HK1: variants seen among roughly 807,000 people sequenced by gnomAD.
The protein encoded by HK1 is hexokinase 1.
A neutral mutation model predicts 91.6 loss-of-function variants in HK1; 28 were observed. That is an observed-to-expected ratio of 0.31 (90% CI 0.23 to 0.42). HK1 has a LOEUF of 0.42. Among genes scored for constraint, HK1 ranks in the 10% least tolerant of loss-of-function variants. HK1 has a pLI of 1.00. For missense variants in HK1, 770 were observed against 1,219.8 expected, an observed-to-expected ratio of 0.63 and a Z score of 5.49; for synonymous variants, 430 against 468.1, an observed-to-expected ratio of 0.92 and a Z score of 1.05.
At chr10:69,387,871 T>C (rs551060792) in intron 13 of HK1, among the ~76,000 whole-genome samples, 1 of 99,324 alleles carries the variant, frequency 1.0e-5, no homozygotes, top group African/African-American at 4.9e-5. Context: ...GAGACTGTTT[T>C]AAATTTTTTT....
At chr10:69,341,349 C>T (rs916645238) in intron 1 of HK1, among the ~76,000 whole-genome samples, 4 of 150,784 alleles carry the variant, frequency 2.7e-5, no homozygotes, top group African/African-American at 9.8e-5. Context: ...TTTTTAGAGA[C>T]GAGGTTTTGC....
intron 1 of HK1, among the ~76,000 whole-genome samples, chr10:69,325,028 T>G (rs1251944241): frequency 6.6e-6 from 1 of 151,774 alleles, no homozygotes; most frequent in African/African-American, 2.4e-5. Context: ...CAAAATTAAT[T>G]GTCACAAAAA....
At chr10:69,368,693 T>A in intron 5 of HK1, 62 bp downstream of exon 5, 1 of 1,312,510 alleles carries the variant, frequency 7.6e-7, no homozygotes, top group Non-Finnish European at 1.1e-6. Flanking sequence ...GGCTGCATTC[T>A]AAAACAGACC....
intron 5 of HK1, among the ~76,000 whole-genome samples, chr10:69,304,601 C>T (rs899893009): frequency 1.3e-5 from 2 of 152,230 alleles, no homozygotes; most frequent in African/African-American, 4.8e-5. Context: ...AGCCACTGCG[C>T]TCAGCCTCAT....
rs990283538 is a variant in HK1, at chr10:69,380,581, TC to T, written c.1265+488del. ...GTACCCACATTCTTGTTTCAGAAGC[TC>T]CTGTTAAAACCCCCCAAACCCTCAG... On this transcript the variant is annotated intron_variant, in intron 9 of 17. Coordinates refer to ENST00000359426, the MANE Select transcript of HK1 (RefSeq NM_000188.3). The surrounding 1 kb of genome is among the most constrained non-coding windows in gnomAD (Gnocchi z 4.0). Among the ~76,000 whole-genome samples the T allele has an allele frequency of 1.3e-5, 2 of 152,176 alleles. No homozygotes were observed. Among genetic ancestry groups the T allele is most frequent in the African/African-American group, 4.8e-5 (2 of 41,446 alleles).
At chr10:69,362,778 C>T (rs556761895) in intron 3 of HK1, among the ~76,000 whole-genome samples, 2 of 152,196 alleles carry the variant, frequency 1.3e-5, no homozygotes, top group South Asian at 2.1e-4. Flanking sequence ...TGGCGTGGGG[C>T]GCCAGGACCA....
At chr10:69,281,926 CAG>C (rs1173890207) in intron 1 of HK1, among the ~76,000 whole-genome samples, 1 of 152,206 alleles carries the variant, frequency 6.6e-6, no homozygotes, top group African/African-American at 2.4e-5. Context: ...ATTTTGGCCA[CAG>C]AGTGGGCATT....
intron 13 of HK1, among the ~76,000 whole-genome samples, chr10:69,388,243 C>T (rs1839738265): frequency 1.3e-5 from 2 of 152,014 alleles, no homozygotes; most frequent in South Asian, 4.1e-4. Context: ...AGTTGGAGAC[C>T]AGCCTGGGTA....
At chr10:69,311,266 C>G (rs78364471), upstream of HK1, among the ~76,000 whole-genome samples, 7 of 152,268 alleles carry the variant, frequency 4.6e-5, no homozygotes, top group East Asian at 1.4e-3. Context: ...GTCTGACACC[C>G]CCATTCCATC....
At chr10:69,273,496 A>G (rs191102274) in intron 1 of HK1, among the ~76,000 whole-genome samples, 1 of 152,188 alleles carries the variant, frequency 6.6e-6, no homozygotes, top group South Asian at 2.1e-4. Context: ...GATTACAGGC[A>G]TGAGCCACCG....
intron 2 of HK1, among the ~76,000 whole-genome samples, chr10:69,349,310 T>G (rs528232574): frequency 6.6e-6 from 1 of 152,308 alleles, no homozygotes; most frequent in African/African-American, 2.4e-5. Context: ...GCCATGGTAA[T>G]CCCTGCCCCA....
intron 1 of HK1, among the ~76,000 whole-genome samples, chr10:69,321,737 A>G (rs1376349783): frequency 6.6e-6 from 1 of 151,998 alleles, no homozygotes; most frequent in East Asian, 1.9e-4. Context: ...CAATAATTCA[A>G]CTCCATAAAA....
upstream of HK1, among the ~76,000 whole-genome samples, chr10:69,313,138 G>A (rs1054324808): frequency 2.6e-5 from 4 of 152,282 alleles, no homozygotes; most frequent in East Asian, 1.9e-4. Context: ...TCCTAGGCAC[G>A]GCTCTTGCCT....
intron 2 of HK1, among the ~76,000 whole-genome samples, chr10:69,284,670 G>A (rs1385915088): frequency 6.6e-6 from 1 of 152,084 alleles, no homozygotes; most frequent in East Asian, 1.9e-4. Flanking sequence ...ACAGAATCTT[G>A]CCCTGTCGCC....
At chr10:69,334,233 C>T (rs1007862989) in intron 1 of HK1, among the ~76,000 whole-genome samples, 1 of 152,132 alleles carries the variant, frequency 6.6e-6, no homozygotes, top group African/African-American at 2.4e-5. Flanking sequence ...GAAGAAGAGA[C>T]CGGGCAAGGC....
chr10:69,362,294 T>C (rs528902912), intron 3 of HK1, among the ~76,000 whole-genome samples: 5 of 152,220 alleles, frequency 3.3e-5, no homozygotes, highest in African/African-American at 1.2e-4. Context: ...CCCAGGCAGA[T>C]CTCAAACTCC....
At chr10:69,315,880 G>A (rs1413415250), upstream of HK1, 1 of 1,455,008 alleles carries the variant, frequency 6.9e-7, no homozygotes, top group Non-Finnish European at 9.7e-7. Flanking sequence ...ACCACAACCT[G>A]ACACTGGGCA....
chr10:69,307,685 G>T (rs1006924853), intron 5 of HK1, among the ~76,000 whole-genome samples: 1 of 152,006 alleles, frequency 6.6e-6, no homozygotes, highest in South Asian at 2.1e-4. Flanking sequence ...ACCTCATTGT[G>T]TTGTTTTAAG....
At chr10:69,354,649 T>TTGAA (rs34767665) in intron 2 of HK1, among the ~76,000 whole-genome samples, 68,549 of 151,270 alleles carry the variant, frequency 0.45, 16,451 homozygotes, top group African/African-American at 0.6. Flanking sequence ...ATCAGGTGCC[T>TTGAA]TGAATGAATG....
Sources: allele counts gnomAD v4.1 joint callset (sites outside exome capture counted in the v4.1 genomes callset), GRCh38; gene constraint gnomAD v4.1.1; non-coding constraint Gnocchi (gnomAD v3.1); transcripts MANE v1.5; gene names NCBI Gene and HGNC (gene_info 2026-07-23, HGNC 2026-07-21).